Variants in NSUN4 observed in about 807,000 individuals in gnomAD.
NSUN4 encodes 5-cytosine rRNA methyltransferase NSUN4.
NSUN4 carries 31 observed loss-of-function variants against 43.8 expected under a neutral mutation model. The ratio of observed to expected loss-of-function variants is 0.71; its 90% CI spans 0.53 to 0.96. The LOEUF (loss-of-function observed/expected upper bound fraction) is 0.96, where lower values mean the gene tolerates loss of function less well. NSUN4 is among the 40% of genes least tolerant of loss of function. The pLI is 0.00. For missense variants in NSUN4, 439 were observed against 475.6 expected (o/e 0.92, Z 0.72); for synonymous variants, 167 against 184.1 (o/e 0.91, Z 0.75).
chr1:46,384,774 A>G, the NSUN4 span, among the ~76,000 whole-genome samples: 1 of 152,152 alleles, frequency 6.6e-6, no homozygotes, highest in Admixed American at 6.5e-5. Flanking sequence ...GGTGGTTAGC[A>G]GCACAAAGTA....
intron 4 of NSUN4, among the ~76,000 whole-genome samples, chr1:46,358,126 C>T (rs1321389084): frequency 1.1e-4 from 16 of 152,074 alleles, no homozygotes; most frequent in African/African-American, 2.9e-4. Context: ...GACGGAGTCT[C>T]GCTCTGTCAC....
At chr1:46,345,484 C>T in intron 2 of NSUN4, 1 of 205,752 alleles carries the variant, frequency 4.9e-6, no homozygotes. Flanking sequence ...CTGCTCTGTG[C>T]CTCTGGTAGA....
At chr1:46,373,891 A>C in the NSUN4 span, among the ~76,000 whole-genome samples, 4 of 151,702 alleles carry the variant, frequency 2.6e-5, no homozygotes. Flanking sequence ...TAGAGAATAG[A>C]ATGGTGGTTA....
rs565657526 is a variant in NSUN4 at position 46,356,649 on chromosome 1, C to T, written c.753+3621C>T. Among the ~76,000 whole-genome samples the T allele has an allele frequency of 1.6e-3, 250 of 151,810 alleles. 1 individual carries two copies. Among genetic ancestry groups the T allele is most frequent in the Admixed American group, 5.0e-3 (76 of 15,222 alleles). The stretch of plus-strand genomic sequence containing the variant: ...CAGAGCCTGCAGTGAGCCGAGATCG[C>T]GCCACTGCACTCCAGCCTGGGAGAC... On this transcript the variant is annotated intron_variant, in intron 4 of 5. Coordinates refer to ENST00000474844, the MANE Select transcript of NSUN4 (RefSeq NM_199044.4).
the NSUN4 span, among the ~76,000 whole-genome samples, chr1:46,376,300 C>T: frequency 2.0e-5 from 3 of 151,268 alleles, no homozygotes; most frequent in African/African-American, 7.3e-5. Context: ...ATTCCAGCTA[C>T]TCGGGAGGCT....
At chr1:46,365,245 G>C (rs949189571), downstream of NSUN4, 1 of 152,206 alleles carries the variant, frequency 6.6e-6, no homozygotes, top group Non-Finnish European at 1.5e-5. Flanking sequence ...CTGTTCACCA[G>C]TTGATGGACA....
At chr1:46,359,340 C>G (rs1663634104) in intron 4 of NSUN4, among the ~76,000 whole-genome samples, 1 of 151,888 alleles carries the variant, frequency 6.6e-6, no homozygotes, top group Admixed American at 6.6e-5. Context: ...GTCGTGTTTC[C>G]TTTTAAGTTT....
chr1:46,374,655 A>C, the NSUN4 span, among the ~76,000 whole-genome samples: 1 of 152,176 alleles, frequency 6.6e-6, no homozygotes, highest in African/African-American at 2.4e-5. Context: ...GATCTATTGT[A>C]TAACATGGTG....
At chr1:46,347,771 T>TA (rs1383295150) in intron 3 of NSUN4, among the ~76,000 whole-genome samples, 2 of 152,230 alleles carry the variant, frequency 1.3e-5, no homozygotes, top group African/African-American at 4.8e-5. Context: ...GCTTTAACCT[T>TA]ACTCTGCTAC....
At chr1:46,340,945 G>T in intron 1 of NSUN4, 26 bp downstream of exon 1, 1 of 1,587,728 alleles carries the variant, frequency 6.3e-7, no homozygotes, top group East Asian at 2.3e-5. Context: ...GGGCGCAGGA[G>T]GGAAAAGTGA....
intron 3 of NSUN4, 26 bp downstream of exon 3, chr1:46,347,101 G>A (rs1477579293): frequency 2.5e-6 from 4 of 1,605,774 alleles, no homozygotes; most frequent in Admixed American, 1.7e-5. Flanking sequence ...GGTGTGTTGG[G>A]CAGAGAGAGC....
At chr1:46,357,020 C>T (rs1026742803) in intron 4 of NSUN4, among the ~76,000 whole-genome samples, 1 of 152,144 alleles carries the variant, frequency 6.6e-6, no homozygotes, top group Non-Finnish European at 1.5e-5. Context: ...TATCCTGGCA[C>T]GACTGGTTAT....
chr1:46,341,097 G>A, intron 1 of NSUN4, 178 bp downstream of exon 1: 1 of 1,202,654 alleles, frequency 8.3e-7, no homozygotes, highest in Non-Finnish European at 1.1e-6. Context: ...TATGTCCCGA[G>A]CGTTAGTGTC....
At position 46,347,048 on chromosome 1, in the gene NSUN4, C is replaced by G; in HGVS notation, c.565C>G (p.Leu189Val). ...ATGTGCAGCTCCTGGGGGAAAGACA[C>G]TAGCGTTGCTTCAGACTGGCTGTTG... ...DLCAAPGGKT[L>V]ALLQTGCCRN... Residue 189 changes from leucine (L) to valine (V), a missense_variant, in exon 3 of 6, where the codon CTA becomes GTA. Transcript: ENST00000474844. 3 of 1,614,152 alleles carry G rather than the reference C, an allele frequency of 1.9e-6. No homozygotes were observed. The highest frequency in any genetic ancestry group is 1.1e-5 in the South Asian group (1 of 91,086).
chr1:46,343,720 A>G, intron 1 of NSUN4: 1 of 400,640 alleles, frequency 2.5e-6, no homozygotes, highest in Non-Finnish European at 4.4e-6. Flanking sequence ...GGCCAGAGTG[A>G]GAGTCCCCAA....
At chr1:46,383,227 G>T in the NSUN4 span, among the ~76,000 whole-genome samples, 1 of 152,166 alleles carries the variant, frequency 6.6e-6, no homozygotes, top group East Asian at 1.9e-4. Flanking sequence ...CCGGTGTCCC[G>T]GGTTTGGGAA....
At chr1:46,348,013 G>A (rs1662647758) in intron 3 of NSUN4, among the ~76,000 whole-genome samples, 1 of 151,940 alleles carries the variant, frequency 6.6e-6, no homozygotes, top group South Asian at 2.1e-4. Flanking sequence ...TACTAGCTAG[G>A]ACTACAGGCG....
chr1:46,360,439 TA>T (rs374601812), intron 4 of NSUN4, among the ~76,000 whole-genome samples: 31,952 of 139,978 alleles, frequency 0.23, 3,923 homozygotes, highest in Non-Finnish European at 0.3. Flanking sequence ...CTCTAAAAAT[TA>T]AAAAAAAAAA....
In NSUN4 at chr1:46,363,951, T is replaced by C. The variant is rs1286440874; in HGVS notation, c.*2105T>C. Reference sequence around the variant, plus strand: ...CAATATAGTTCATAAATTTTAAATATATTGTTTAATAAATTTTGATAATTG... The same window carrying C: ...CAATATAGTTCATAAATTTTAAATACATTGTTTAATAAATTTTGATAATTG... On this transcript the variant is annotated 3_prime_UTR_variant, in exon 6 of 6. Coordinates refer to ENST00000474844, the MANE Select transcript of NSUN4 (RefSeq NM_199044.4). 1.3e-5 allele frequency: 2 copies of C among 152,028 alleles called. No individual in the cohort carries two copies. The highest frequency in any genetic ancestry group is 4.8e-5 in the African/African-American group (2 of 41,416). 9.4% of individuals were successfully genotyped at this position (152,028 alleles called of 1,614,324 possible).
Sources: allele counts gnomAD v4.1 joint callset (sites outside exome capture counted in the v4.1 genomes callset), GRCh38; gene constraint gnomAD v4.1.1; transcripts MANE v1.5; gene names NCBI Gene and HGNC (gene_info 2026-07-23, HGNC 2026-07-21).